The following FFAR4 variants were observed in gnomAD, a reference collection of about 807,000 sequenced individuals.
FFAR4 encodes G-protein coupled receptor 120.
A neutral mutation model predicts 27.0 loss-of-function variants in FFAR4; 19 were observed. That is an observed-to-expected ratio of 0.70 (90% CI 0.49 to 1.03). The LOEUF is 1.03. Ranked by LOEUF, FFAR4 falls within the 50% of genes least tolerant of loss-of-function variation. The pLI is 0.00. For missense variants in FFAR4, 476 were observed against 479.0 expected, an observed-to-expected ratio of 0.99 and a Z score of 0.06; for synonymous variants, 254 against 215.6, an observed-to-expected ratio of 1.18 and a Z score of -1.56.
At chr10:93,577,386 T>C (rs2058170297) in intron 2 of FFAR4, among the ~76,000 whole-genome samples, 1 of 152,192 alleles carries the variant, frequency 6.6e-6, no homozygotes, top group Admixed American at 6.5e-5. Flanking sequence ...TCTGTAACCT[T>C]CTTAGACGCT....
chr10:93,588,843 G>T lies in FFAR4; in HGVS notation c.*1234G>T, dbSNP rs759979372. 2.6e-5 allele frequency: 4 copies of T among 152,140 alleles called. No individual in the cohort carries two copies. The highest frequency in any genetic ancestry group is 9.7e-5 in the African/African-American group (4 of 41,416). 9.4% of individuals were successfully genotyped at this position (152,140 alleles called of 1,614,324 possible). On this transcript the variant is annotated 3_prime_UTR_variant, in exon 3 of 3. Coordinates refer to ENST00000371481, the MANE Select transcript of FFAR4 (RefSeq NM_001195755.2). ...TGGGATTACAGGCGTGAGCCGCCAC[G>T]CCTGGCTACAAGTCAATAAATAGTA...
chr10:93,575,370 G>A (rs750370454), intron 1 of FFAR4, among the ~76,000 whole-genome samples: 9 of 152,228 alleles, frequency 5.9e-5, no homozygotes, highest in Non-Finnish European at 1.3e-4. Context: ...ATTCAGTAAG[G>A]TCTCCATATG....
chr10:93,579,635 G>A (rs2058187410), intron 2 of FFAR4, among the ~76,000 whole-genome samples: 1 of 152,176 alleles, frequency 6.6e-6, no homozygotes. Context: ...CAGAGGTTTT[G>A]GTTTGTTCAC....
rs866063633 is a variant in FFAR4, at chr10:93,587,149, G to A, written c.697-71G>A. 3.1e-5 allele frequency: 43 copies of A among 1,376,622 alleles called. No homozygotes were observed. The African/African-American group carries it at 5.9e-4, about 19-fold the overall frequency. 85.3% of individuals were successfully genotyped at this position (1,376,622 alleles called of 1,614,324 possible). On this transcript the variant is annotated intron_variant, in intron 2 of 2. Coordinates refer to ENST00000371481, the MANE Select transcript of FFAR4 (RefSeq NM_001195755.2). ...TTGGGGATAGCAGATTCCAACTCTTGGGCCCCTAACTCAAAATCCCCAACA... is the reference window on the plus strand; with the variant it reads ...TTGGGGATAGCAGATTCCAACTCTTAGGCCCCTAACTCAAAATCCCCAACA...
chr10:93,571,966 T>C (rs2058134237), intron 1 of FFAR4, among the ~76,000 whole-genome samples: 1 of 152,136 alleles, frequency 6.6e-6, no homozygotes, highest in Non-Finnish European at 1.5e-5. Context: ...TGTTTGCAAA[T>C]AAGTCAGGCA....
intron 1 of FFAR4, among the ~76,000 whole-genome samples, chr10:93,575,327 T>TGGATGAAATTGTTGCA (rs1402955254): frequency 1.3e-5 from 2 of 152,244 alleles, no homozygotes; most frequent in East Asian, 3.8e-4. Flanking sequence ...ATTTATTCAT[T>TGGATGAAATTGTTGCA]GGATGAAATT....
intron 1 of FFAR4, among the ~76,000 whole-genome samples, chr10:93,575,612 A>T (rs1479461399): frequency 6.6e-6 from 1 of 152,198 alleles, no homozygotes; most frequent in Non-Finnish European, 1.5e-5. Context: ...TTTAGCAAAG[A>T]CCCTGTGTCC....
At position 93,587,361 on chromosome 10, in the gene FFAR4, A is replaced by G; in HGVS notation, c.838A>G (p.Ile280Val). Residue 280 changes from isoleucine to valine, a missense_variant, in exon 3 of 3, where the codon ATC (isoleucine) becomes GTC (valine). By Grantham distance (29) the Ile-to-Val change is conservative. Transcript: ENST00000371481. The stretch of plus-strand genomic sequence containing the variant: ...CTCCTTCTTCATCATGTGGAGCCCC[A>G]TCATCATCACCATCCTCCTCATCCT... ...MVSFFIMWSP[I>V]IITILLILIQ... 6.2e-7 allele frequency: 1 copy of G among 1,613,724 alleles called. No homozygotes were observed.
chr10:93,577,143 T>C (rs2058168748), intron 2 of FFAR4, among the ~76,000 whole-genome samples: 2 of 152,218 alleles, frequency 1.3e-5, no homozygotes, highest in Non-Finnish European at 2.9e-5. Context: ...AGGTAGCCCA[T>C]TTGTGAGTAA....
intron 1 of FFAR4, among the ~76,000 whole-genome samples, chr10:93,572,616 C>T (rs1013156612): frequency 6.6e-6 from 1 of 152,114 alleles, no homozygotes; most frequent in Non-Finnish European, 1.5e-5. Context: ...ATTTAGAGAT[C>T]CCTTCTGAGT....
chr10:93,581,558 G>A (rs534635502), intron 2 of FFAR4, among the ~76,000 whole-genome samples: 1 of 152,264 alleles, frequency 6.6e-6, no homozygotes, highest in East Asian at 1.9e-4. Context: ...TGTGAGGTAG[G>A]GTGGAGACTA....
intron 1 of FFAR4, among the ~76,000 whole-genome samples, chr10:93,569,175 A>G (rs146477467): frequency 6.6e-6 from 1 of 152,332 alleles, no homozygotes; most frequent in East Asian, 1.9e-4. Context: ...ATTTCACCTC[A>G]TTTTCTTTCT....
At chr10:93,585,285 G>A (rs2058220551) in intron 2 of FFAR4, among the ~76,000 whole-genome samples, 1 of 152,082 alleles carries the variant, frequency 6.6e-6, no homozygotes, top group African/African-American at 2.4e-5. Context: ...CCACTGGTAG[G>A]AATTTATTCT....
Position 93,588,876 on chromosome 10 carries a change from A to C in FFAR4, c.*1267A>C, listed in dbSNP as rs559948514. On this transcript the variant is annotated 3_prime_UTR_variant, in exon 3 of 3. Coordinates refer to ENST00000371481, the MANE Select transcript of FFAR4 (RefSeq NM_001195755.2). ...ACAAGTCAATAAATAGTATAGCATC[A>C]CAGAGCGAATAAGCACTGTGAAGAA... The C allele has an allele frequency of 9.4e-4, 143 of 152,322 alleles. No homozygotes were observed. Among genetic ancestry groups the C allele is most frequent in the African/African-American group, 3.2e-3 (135 of 41,580 alleles). 9.4% of individuals were successfully genotyped at this position (152,322 alleles called of 1,614,324 possible).
intron 2 of FFAR4, among the ~76,000 whole-genome samples, chr10:93,584,372 G>T (rs935404474): frequency 2.6e-5 from 4 of 152,192 alleles, no homozygotes; most frequent in African/African-American, 9.6e-5. Context: ...AGAGATGGGG[G>T]CTCTGACCCT....
At position 93,567,489 on chromosome 10, in the gene FFAR4, A is replaced by G. The variant is rs1039596153; in HGVS notation, c.567+202A>G. ...CGCTGTGCACACGCCCTCCTAAATG[A>G]TGTAAGTGGAGTCCCCCAAATTCTT... On this transcript the variant is annotated intron_variant, in intron 1 of 2. Transcript: ENST00000371481. 3.9e-5 allele frequency among the ~76,000 whole-genome samples: 6 copies of G among 152,216 alleles called. No individual in the cohort carries two copies. The South Asian group carries it at 1.0e-3, about 26-fold the overall frequency.
rs1269518694 is a variant in FFAR4, at chr10:93,588,411, A to C, written c.*802A>C. On this transcript the variant is annotated 3_prime_UTR_variant, in exon 3 of 3. Transcript: ENST00000371481. Reference sequence around the variant, plus strand: ...GATGACTTACTTTTTTTTTTTTTTCATTTATAAAAATGCTATGGACCCTTT... The same window carrying C: ...GATGACTTACTTTTTTTTTTTTTTCCTTTATAAAAATGCTATGGACCCTTT... 6.9e-6 allele frequency: 1 copy of C among 145,176 alleles called. No individual in the cohort carries two copies. The highest frequency in any genetic ancestry group is 1.5e-5 in the Non-Finnish European group (1 of 66,286). 9.0% of individuals were successfully genotyped at this position (145,176 alleles called of 1,614,324 possible).
intron 1 of FFAR4, among the ~76,000 whole-genome samples, chr10:93,574,536 G>A (rs950543952): frequency 9.8e-5 from 15 of 152,298 alleles, no homozygotes; most frequent in Non-Finnish European, 1.8e-4. Context: ...AGGAGGTGGT[G>A]CGGGTTTTCT....
intron 2 of FFAR4, among the ~76,000 whole-genome samples, chr10:93,578,655 G>A (rs1291241071): frequency 6.6e-6 from 1 of 152,150 alleles, no homozygotes; most frequent in Admixed American, 6.5e-5. Flanking sequence ...TGCTACTGAT[G>A]GGACAGAGAG....
Sources: gnomAD v4.1 joint callset for allele counts (sites outside exome capture counted in the v4.1 genomes callset) on GRCh38, gnomAD v4.1.1 for gene constraint, MANE v1.5 for transcripts, NCBI Gene and HGNC (gene_info 2026-07-23, HGNC 2026-07-21) for gene names.